ZNF248: variants seen among roughly 807,000 people sequenced by gnomAD.
The protein encoded by ZNF248 is KRAB protein domain.
ZNF248 carries 20 observed loss-of-function variants against 44.3 expected under a neutral mutation model. That is an observed-to-expected ratio of 0.45 (90% CI 0.32 to 0.66). The LOEUF is 0.66. Ranked by LOEUF, ZNF248 falls within the 30% of genes least tolerant of loss-of-function variation. The pLI, the probability that ZNF248 is intolerant of heterozygous loss-of-function variation, is 0.04. For synonymous variants in ZNF248, 224 were observed against 229.0 expected, an observed-to-expected ratio of 0.98 and a Z score of 0.20; for missense variants, 654 against 677.0, an observed-to-expected ratio of 0.97 and a Z score of 0.38.
chr10:37,819,363 C>A lies in ZNF248; in HGVS notation c.330+13662G>T. 4.7e-6 allele frequency: 6 copies of A among 1,263,616 alleles called. No individual in the cohort carries two copies. In the East Asian group the frequency reaches 7.0e-5, roughly 15 times the overall value. The allele number at this position is 1,263,616 out of a possible 1,614,324, so 78.3% of individuals were successfully genotyped here. A position where few individuals can be genotyped will look rare whatever the true frequency, so the allele number is the denominator to read the frequency against. The stretch of plus-strand genomic sequence containing the variant: ...TTAATTATTCTGGGATGATCCAGTT[C>A]TTTATGAATCCAGTATTCCCTACAT... On this transcript the variant is annotated intron_variant, in intron 6 of 6. Transcript: ENST00000615949.
chr10:37,783,265 C>T (rs1355077213), intron 6 of ZNF248, among the ~76,000 whole-genome samples: 1 of 152,120 alleles, frequency 6.6e-6, no homozygotes, highest in East Asian at 1.9e-4. Context: ...TATCATGCCC[C>T]ATCTTATTCC....
chr10:37,818,561 C>T (rs955123632), intron 6 of ZNF248: 2 of 350,984 alleles, frequency 5.7e-6, no homozygotes, highest in African/African-American at 2.1e-5. Context: ...GCTATTTGTC[C>T]ACTTTGTGTG....
downstream of ZNF248, among the ~76,000 whole-genome samples, chr10:37,825,869 A>G (rs1421139693): frequency 2.6e-5 from 4 of 151,344 alleles, no homozygotes; most frequent in Non-Finnish European, 5.9e-5. Flanking sequence ...TTTGAAGACG[A>G]CAACTTGGTT....
Position 37,819,177 on chromosome 10 carries a change from T to A in ZNF248, c.330+13848A>T. 1.3e-5 allele frequency: 10 copies of A among 790,900 alleles called. No homozygotes were observed. In the South Asian group the frequency reaches 1.4e-4, roughly 11 times the overall value. The allele number at this position is 790,900 out of a possible 1,614,324, so 49.0% of individuals were successfully genotyped here. On this transcript the variant is annotated intron_variant, in intron 6 of 6. Coordinates refer to the ZNF248 transcript ENST00000615949. Reference sequence around the variant, plus strand: ...TGTATGATGGGAGGTTTTATTTTATTTAAGTACTTTAAAGCATTTACAGTC... The same window carrying A: ...TGTATGATGGGAGGTTTTATTTTATATAAGTACTTTAAAGCATTTACAGTC...
chr10:37,840,276 C>CT (rs1171923708), intron 3 of ZNF248, among the ~76,000 whole-genome samples: 1 of 152,110 alleles, frequency 6.6e-6, no homozygotes, highest in Non-Finnish European at 1.5e-5. Context: ...TTTGCAAACA[C>CT]TTACCTAAAA....
intron 3 of ZNF248, among the ~76,000 whole-genome samples, chr10:37,848,584 CT>C (rs2059704581): frequency 8.9e-6 from 1 of 112,192 alleles, no homozygotes; most frequent in African/African-American, 3.5e-5. Flanking sequence ...CAGACTCCGT[CT>C]CAAAAAAAAA....
chr10:37,805,410 C>A (rs1268210538), intron 6 of ZNF248, among the ~76,000 whole-genome samples: 2 of 152,132 alleles, frequency 1.3e-5, no homozygotes, highest in Admixed American at 1.3e-4. Context: ...AGCAGGTTAT[C>A]AGAAATATAT....
intron 6 of ZNF248, chr10:37,818,643 G>A (rs2052945495): frequency 1.4e-5 from 7 of 502,362 alleles, no homozygotes; most frequent in Admixed American, 1.4e-4. Flanking sequence ...AAAGGTTGAT[G>A]CAATAGCAGC....
At chr10:37,839,506 AACACACAC>A (rs771239384) in intron 3 of ZNF248, among the ~76,000 whole-genome samples, 1 of 110,828 alleles carries the variant, frequency 9.0e-6, no homozygotes, top group African/African-American at 3.3e-5. Context: ...TGTATACACA[AACACACAC>A]ACACACACAC....
At chr10:37,835,233 G>GA (rs1211491547) in intron 5 of ZNF248, among the ~76,000 whole-genome samples, 16 of 152,130 alleles carry the variant, frequency 1.1e-4, no homozygotes, top group Non-Finnish European at 2.4e-4. Context: ...TTATATCAGT[G>GA]AAAAGTGAGA....
rs989851744 is a variant in ZNF248, at chr10:37,789,675, TAA to T, written c.331-13102_331-13101del. 2.0e-4 allele frequency among the ~76,000 whole-genome samples: 31 copies of T among 152,190 alleles called. 1 individual carries two copies. The highest frequency in any genetic ancestry group is 2.0e-3 in the Admixed American group (31 of 15,284). On this transcript the variant is annotated intron_variant, in intron 6 of 6. Coordinates refer to the ZNF248 transcript ENST00000615949. ...CAGCCTCTCTCTGGTACCTTTATTG[TAA>T]AAAAGTTTCTTCTCAGAAAATATGA...
At chr10:37,812,145 G>T (rs930081964) in intron 6 of ZNF248, among the ~76,000 whole-genome samples, 1 of 152,012 alleles carries the variant, frequency 6.6e-6, no homozygotes, top group Admixed American at 6.6e-5. Flanking sequence ...GCTGGGGTGA[G>T]AGGATCGATT....
chr10:37,761,038 G>T, the ZNF248 span, among the ~76,000 whole-genome samples: 22 of 152,166 alleles, frequency 1.4e-4, no homozygotes, highest in Non-Finnish European at 2.6e-4. Flanking sequence ...TTGCTTCCTG[G>T]ATTGTGCAAC....
At chr10:37,763,663 G>GA in the ZNF248 span, among the ~76,000 whole-genome samples, 1 of 152,192 alleles carries the variant, frequency 6.6e-6, no homozygotes, top group Non-Finnish European at 1.5e-5. Flanking sequence ...GGGTTCCAAT[G>GA]AAAAAAAGTA....
chr10:37,851,119 T>C (rs1259868441), intron 3 of ZNF248, among the ~76,000 whole-genome samples: 2 of 151,990 alleles, frequency 1.3e-5, no homozygotes, highest in South Asian at 2.1e-4. Flanking sequence ...AATTCTAAAA[T>C]AGTAATGTGG....
intron 6 of ZNF248, among the ~76,000 whole-genome samples, chr10:37,813,687 G>T (rs2051939441): frequency 1.3e-5 from 2 of 151,832 alleles, no homozygotes; most frequent in Admixed American, 1.3e-4. Context: ...TATGTTATTG[G>T]TAAGTCTTCT....
At chr10:37,761,681 C>G in the ZNF248 span, among the ~76,000 whole-genome samples, 2 of 152,162 alleles carry the variant, frequency 1.3e-5, no homozygotes, top group African/African-American at 2.4e-5. Context: ...AGGGCTGAAA[C>G]ACAGCTACCC....
chr10:37,834,738 G>A (rs2056738625), intron 5 of ZNF248, among the ~76,000 whole-genome samples: 1 of 152,148 alleles, frequency 6.6e-6, no homozygotes, highest in Admixed American at 6.5e-5. Context: ...GAAATAATAA[G>A]CCATTACTAT....
chr10:37,823,333 CAAAAAAAA>C (rs60957023), intron 6 of ZNF248, among the ~76,000 whole-genome samples: 27 of 17,532 alleles, frequency 1.5e-3, no homozygotes, highest in African/African-American at 5.5e-3. Flanking sequence ...ACTCCGTCTC[CAAAAAAAA>C]AAAAAAAAAA....
Sources: allele counts gnomAD v4.1 joint callset (sites outside exome capture counted in the v4.1 genomes callset), GRCh38; gene constraint gnomAD v4.1.1; transcripts MANE v1.5; gene names NCBI Gene and HGNC (gene_info 2026-07-23, HGNC 2026-07-21).